CTNNA3: variants seen among roughly 807,000 people sequenced by gnomAD.
CTNNA3 encodes catenin alpha-3.
In CTNNA3, 76 loss-of-function variants were observed where a neutral mutation model predicts 95.7. That is an observed-to-expected ratio of 0.79 (90% CI 0.66 to 0.96). The LOEUF is 0.96. Among genes scored for constraint, CTNNA3 ranks in the 40% least tolerant of loss-of-function variants. CTNNA3 has a pLI of 0.00. For synonymous variants in CTNNA3, 431 were observed against 374.4 expected, an observed-to-expected ratio of 1.15 and a Z score of -1.74; for missense variants, 1,191 against 1,089.8, an observed-to-expected ratio of 1.09 and a Z score of -1.31.
intron 15 of CTNNA3, among the ~76,000 whole-genome samples, chr10:66,048,747 C>T (rs1056837608): frequency 1.3e-5 from 2 of 151,850 alleles, no homozygotes; most frequent in African/African-American, 2.4e-5. Context: ...GGCGGCAGAG[C>T]GAGACTCCAT....
At chr10:67,410,271 C>T (rs983177426) in intron 5 of CTNNA3, among the ~76,000 whole-genome samples, 4 of 151,966 alleles carry the variant, frequency 2.6e-5, no homozygotes, top group African/African-American at 9.7e-5. Flanking sequence ...AACCAAACAC[C>T]AAGTTTTCAC....
At chr10:66,419,764 A>C (rs969608833) in intron 11 of CTNNA3, among the ~76,000 whole-genome samples, 3 of 152,218 alleles carry the variant, frequency 2.0e-5, no homozygotes, top group African/African-American at 4.8e-5. Flanking sequence ...TTGTTGACAA[A>C]GCACCAAGAA....
intron 5 of CTNNA3, among the ~76,000 whole-genome samples, chr10:67,342,269 T>A (rs922082485): frequency 9.9e-5 from 15 of 151,648 alleles, no homozygotes; most frequent in Non-Finnish European, 2.1e-4. Context: ...GCCCGGCTAA[T>A]TTTTTGTATT....
chr10:67,607,376 A>G (rs1843313539), intron 2 of CTNNA3, among the ~76,000 whole-genome samples: 1 of 152,218 alleles, frequency 6.6e-6, no homozygotes, highest in Non-Finnish European at 1.5e-5. Flanking sequence ...TAAGAAAATC[A>G]TAAGGCAGAG....
chr10:66,800,147 C>A (rs1175493079), intron 7 of CTNNA3, among the ~76,000 whole-genome samples: 1 of 151,124 alleles, frequency 6.6e-6, no homozygotes, highest in African/African-American at 2.4e-5. Flanking sequence ...ATGTACAAAT[C>A]AAAAAGACAT....
intron 1 of CTNNA3, among the ~76,000 whole-genome samples, chr10:67,685,746 TTAC>T (rs750632549): frequency 6.6e-6 from 1 of 152,166 alleles, no homozygotes; most frequent in Non-Finnish European, 1.5e-5. Context: ...TGTTTTTTCT[TTAC>T]TACTTCTATC....
chr10:67,196,948 T>G (rs1467226741), intron 6 of CTNNA3, among the ~76,000 whole-genome samples: 4 of 152,124 alleles, frequency 2.6e-5, no homozygotes, highest in Admixed American at 6.6e-5. Flanking sequence ...GTATTTAAAA[T>G]GTGTAAAAAA....
intron 5 of CTNNA3, among the ~76,000 whole-genome samples, chr10:67,277,549 G>A (rs143127685): frequency 6.6e-6 from 1 of 152,156 alleles, no homozygotes; most frequent in East Asian, 1.9e-4. Context: ...GTAAAATAAG[G>A]CTGAGACCTA....
chr10:67,279,393 A>G (rs978431990), intron 5 of CTNNA3, among the ~76,000 whole-genome samples: 1 of 152,320 alleles, frequency 6.6e-6, no homozygotes, highest in South Asian at 2.1e-4. Context: ...AGAAATAAAC[A>G]TAAAATCACC....
chr10:67,749,021 A>G (rs1295909848), intron 1 of CTNNA3, among the ~76,000 whole-genome samples: 1 of 152,210 alleles, frequency 6.6e-6, no homozygotes, highest in Non-Finnish European at 1.5e-5. Context: ...TTCTGACAAA[A>G]CAGACTTTAA....
At chr10:66,962,341 A>G (rs571136352) in intron 7 of CTNNA3, among the ~76,000 whole-genome samples, 20 of 152,088 alleles carry the variant, frequency 1.3e-4, no homozygotes, top group Admixed American at 2.0e-4. Context: ...CCTTCTGCCT[A>G]TAATACTCTT....
At chr10:67,113,760 T>C (rs2131975898) in intron 7 of CTNNA3, among the ~76,000 whole-genome samples, 1 of 152,302 alleles carries the variant, frequency 6.6e-6, no homozygotes, top group East Asian at 1.9e-4. Context: ...ATAATTATCA[T>C]GGCTTATTAT....
At chr10:66,939,896 T>A (rs748295184) in intron 7 of CTNNA3, among the ~76,000 whole-genome samples, 1 of 152,372 alleles carries the variant, frequency 6.6e-6, no homozygotes, top group Non-Finnish European at 1.5e-5. Flanking sequence ...ACTGCAATCC[T>A]CAAGTTCTCT....
At chr10:67,673,115 T>G (rs1384456170) in intron 1 of CTNNA3, among the ~76,000 whole-genome samples, 1 of 152,046 alleles carries the variant, frequency 6.6e-6, no homozygotes, top group African/African-American at 2.4e-5. Context: ...TTATTCTCTT[T>G]GAAGCAATTG....
chr10:67,430,191 T>C (rs1846063048), intron 5 of CTNNA3, among the ~76,000 whole-genome samples: 1 of 152,154 alleles, frequency 6.6e-6, no homozygotes, highest in East Asian at 1.9e-4. Context: ...ATGTTCTTTA[T>C]CTGTTGCTTT....
chr10:66,779,267 TG>T (rs1840433941), intron 7 of CTNNA3, among the ~76,000 whole-genome samples: 1 of 152,174 alleles, frequency 6.6e-6, no homozygotes, highest in African/African-American at 2.4e-5. Context: ...TCAAGAACTC[TG>T]CTAGTATAAA....
intron 9 of CTNNA3, among the ~76,000 whole-genome samples, chr10:66,659,820 C>G (rs1160258987): frequency 6.6e-6 from 1 of 152,116 alleles, no homozygotes; most frequent in Non-Finnish European, 1.5e-5. Context: ...TTCCCAACCT[C>G]CAGAACTGTA....
At position 67,702,090 on chromosome 10, in the gene CTNNA3, T is replaced by C. The variant is rs1034774204; in HGVS notation, c.-1-54576A>G. 9.2e-5 allele frequency among the ~76,000 whole-genome samples: 14 copies of C among 152,256 alleles called. No individual in the cohort carries two copies. In the South Asian group the frequency reaches 1.7e-3, roughly 18 times the overall value. ...AGAAGAGCTAACTATCCTAAATATATATGCACCCAATGCAGGAGCACCCAG... is the reference window on the plus strand; with the variant it reads ...AGAAGAGCTAACTATCCTAAATATACATGCACCCAATGCAGGAGCACCCAG... On this transcript the variant is annotated intron_variant, in intron 1 of 17. Coordinates refer to the CTNNA3 transcript ENST00000684154.
intron 13 of CTNNA3, among the ~76,000 whole-genome samples, chr10:66,221,378 T>C (rs2054384): frequency 0.17 from 25,251 of 152,164 alleles, 2,226 homozygotes; most frequent in East Asian, 0.26. Context: ...ATGTAAGTGA[T>C]ATGTGGTCAT....
Sources: gnomAD v4.1 joint callset for allele counts (sites outside exome capture counted in the v4.1 genomes callset) on GRCh38, gnomAD v4.1.1 for gene constraint, MANE v1.5 for transcripts, NCBI Gene and HGNC (gene_info 2026-07-23, HGNC 2026-07-21) for gene names.